The following CNTNAP4 variants were observed in gnomAD, a reference collection of about 807,000 sequenced individuals.
CNTNAP4 encodes contactin associated protein family member 4.
CNTNAP4 carries 98 observed loss-of-function variants against 148.4 expected under a neutral mutation model. That is an observed-to-expected ratio of 0.66 (90% CI 0.56 to 0.78). CNTNAP4 has a LOEUF of 0.78. Ranked by LOEUF, CNTNAP4 falls within the 30% of genes least tolerant of loss-of-function variation. The probability of loss-of-function intolerance (pLI) is 0.00; values close to 1 mark genes in which losing one functional copy is unlikely to be tolerated. For missense variants in CNTNAP4, 1,935 were observed against 1,565.6 expected (o/e 1.24, Z -3.98); for synonymous variants, 730 against 565.1 (o/e 1.29, Z -4.14).
intron 1 of CNTNAP4, among the ~76,000 whole-genome samples, chr16:76,306,801 C>T (rs528957663): frequency 1.3e-5 from 2 of 152,128 alleles, no homozygotes; most frequent in Non-Finnish European, 2.9e-5. Flanking sequence ...ATTTTAAGTA[C>T]CTACTCTGTA....
intron 15 of CNTNAP4, among the ~76,000 whole-genome samples, chr16:76,518,573 G>A (rs1323931292): frequency 6.6e-6 from 1 of 152,044 alleles, no homozygotes; most frequent in East Asian, 1.9e-4. Flanking sequence ...TATGGGGTAC[G>A]TGTGATATTT....
intron 1 of CNTNAP4, among the ~76,000 whole-genome samples, chr16:76,311,598 T>C (rs1295566141): frequency 1.3e-5 from 2 of 152,204 alleles, no homozygotes; most frequent in African/African-American, 2.4e-5. Context: ...TCAAGGTCTA[T>C]GTGGAAATTC....
intron 3 of CNTNAP4, among the ~76,000 whole-genome samples, chr16:76,422,963 T>C (rs1167037279): frequency 6.6e-6 from 1 of 151,982 alleles, no homozygotes; most frequent in Non-Finnish European, 1.5e-5. Context: ...CTTTTGGGAG[T>C]TGATTAGGTC....
intron 9 of CNTNAP4, among the ~76,000 whole-genome samples, chr16:76,464,620 C>T (rs944705807): frequency 3.3e-5 from 5 of 152,184 alleles, no homozygotes; most frequent in African/African-American, 9.6e-5. Flanking sequence ...CTCCTTCTCT[C>T]TAAATTTAAC....
chr16:76,526,749 C>G (rs1173115702), intron 17 of CNTNAP4, among the ~76,000 whole-genome samples: 1 of 152,178 alleles, frequency 6.6e-6, no homozygotes, highest in Non-Finnish European at 1.5e-5. Context: ...TCACTGCTAA[C>G]TGCATCCTTG....
At chr16:76,526,872 A>C (rs550106174) in intron 17 of CNTNAP4, among the ~76,000 whole-genome samples, 2 of 151,566 alleles carry the variant, frequency 1.3e-5, no homozygotes, top group South Asian at 4.2e-4. Flanking sequence ...CAGGGTTTTG[A>C]TATGTTGCCT....
chr16:76,442,604 A>C (rs2080087884), intron 4 of CNTNAP4, among the ~76,000 whole-genome samples: 1 of 152,128 alleles, frequency 6.6e-6, no homozygotes, highest in Non-Finnish European at 1.5e-5. Context: ...GGATGTGGAA[A>C]AGTGCAAAAA....
intron 16 of CNTNAP4, 56 bp from the exon 17 acceptor site, chr16:76,521,983 C>T: frequency 2.0e-6 from 3 of 1,495,482 alleles, no homozygotes; most frequent in African/African-American, 1.4e-5. Flanking sequence ...ATATTGGAGA[C>T]TCGGCACTTC....
chr16:76,395,353 C>T (rs2078162609), intron 3 of CNTNAP4, among the ~76,000 whole-genome samples: 1 of 151,576 alleles, frequency 6.6e-6, no homozygotes, highest in Non-Finnish European at 1.5e-5. Flanking sequence ...GCAACCTCTG[C>T]CTCCAGGGTT....
chr16:76,339,762 G>A (rs1964318333), intron 2 of CNTNAP4, among the ~76,000 whole-genome samples: 1 of 152,190 alleles, frequency 6.6e-6, no homozygotes, highest in Admixed American at 6.5e-5. Flanking sequence ...CTAATGAGAA[G>A]CCTCGCTTTT....
At chr16:76,452,892 A>G in intron 8 of CNTNAP4, 123 bp downstream of exon 8, 2 of 888,560 alleles carry the variant, frequency 2.3e-6, no homozygotes, top group Non-Finnish European at 3.2e-6. Context: ...TCAGGTTAAT[A>G]AGATTATAAG....
chr16:76,526,060 A>G (rs1254299496), intron 17 of CNTNAP4, among the ~76,000 whole-genome samples: 1 of 152,044 alleles, frequency 6.6e-6, no homozygotes, highest in East Asian at 1.9e-4. Context: ...GTAGCATGGA[A>G]TCAGGCAGTG....
intron 12 of CNTNAP4, among the ~76,000 whole-genome samples, chr16:76,483,439 T>C (rs1217572774): frequency 6.6e-6 from 1 of 152,190 alleles, no homozygotes; most frequent in Non-Finnish European, 1.5e-5. Context: ...CATAATCTTG[T>C]TTTATGTGTG....
At chr16:76,400,455 G>C (rs1228277051) in intron 3 of CNTNAP4, among the ~76,000 whole-genome samples, 1 of 152,104 alleles carries the variant, frequency 6.6e-6, no homozygotes, top group Non-Finnish European at 1.5e-5. Flanking sequence ...GCTTCTGTCT[G>C]ATGCATAGTT....
intron 3 of CNTNAP4, among the ~76,000 whole-genome samples, chr16:76,383,994 GT>G (rs1395913528): frequency 6.6e-6 from 1 of 151,844 alleles, no homozygotes; most frequent in Non-Finnish European, 1.5e-5. Context: ...AAAGTTCTCA[GT>G]TTTTTGTTTT....
chr16:76,326,865 T>G (rs967079228), intron 2 of CNTNAP4, among the ~76,000 whole-genome samples: 13 of 151,916 alleles, frequency 8.6e-5, no homozygotes, highest in African/African-American at 2.2e-4. Flanking sequence ...CGAGTTAATG[T>G]GTGCAGCACA....
rs557185997 is a variant in CNTNAP4 at position 76,289,056 on chromosome 16, T to A, written c.85+11309T>A. 2.0e-5 allele frequency among the ~76,000 whole-genome samples: 3 copies of A among 147,526 alleles called. No individual in the cohort carries two copies. In the South Asian group the frequency reaches 6.3e-4, roughly 31 times the overall value. ...ATTTCTCACTATCTCTCTTTTCCTT[T>A]CCCTCTCACCTTTTAAAAAAAAAAT... On this transcript the variant is annotated intron_variant, in intron 1 of 23. Transcript: ENST00000611870.
At chr16:76,530,815 C>A (rs2083947649) in intron 17 of CNTNAP4, among the ~76,000 whole-genome samples, 1 of 152,184 alleles carries the variant, frequency 6.6e-6, no homozygotes, top group African/African-American at 2.4e-5. Context: ...GCTGGGCCTC[C>A]AGATTCCCTA....
At chr16:76,540,552 C>G (rs1234798673) in intron 20 of CNTNAP4, 151 bp from the exon 21 acceptor site, 1 of 275,444 alleles carries the variant, frequency 3.6e-6, no homozygotes, top group African/African-American at 2.2e-5. Context: ...TTCTAAGTGG[C>G]TAAGCTTTTA....
Sources: allele counts gnomAD v4.1 joint callset (sites outside exome capture counted in the v4.1 genomes callset), GRCh38; gene constraint gnomAD v4.1.1; transcripts MANE v1.5; gene names NCBI Gene and HGNC (gene_info 2026-07-23, HGNC 2026-07-21).